Variants in NPHS1 observed in about 807,000 individuals in gnomAD.
NPHS1 encodes the protein nephrin.
Under a neutral mutation model 139.7 loss-of-function variants are expected in NPHS1, and 107 were observed. That is an observed-to-expected ratio of 0.77 (90% CI 0.66 to 0.90). NPHS1 has a LOEUF of 0.90. Among genes scored for constraint, NPHS1 ranks in the 40% least tolerant of loss-of-function variants. The pLI is 0.00. For synonymous variants in NPHS1, 707 were observed against 706.6 expected, an observed-to-expected ratio of 1.00 and a Z score of -0.01; for missense variants, 1,580 against 1,654.2, an observed-to-expected ratio of 0.96 and a Z score of 0.78.
intron 20 of NPHS1, among the ~76,000 whole-genome samples, chr19:35,841,298 A>G (rs772792535): frequency 2.0e-5 from 3 of 152,016 alleles, no homozygotes; most frequent in Non-Finnish European, 4.4e-5. Flanking sequence ...GCTTGAATCC[A>G]GGAGGCAGAG....
intron 23 of NPHS1, among the ~76,000 whole-genome samples, chr19:35,832,388 A>T (rs462218): frequency 0.73 from 110,636 of 151,900 alleles, 40,591 homozygotes; most frequent in East Asian, 0.91. Flanking sequence ...TACAAAAAAA[A>T]TTAAAAATTT....
At chr19:35,829,607 C>T (rs2146805919) in intron 28 of NPHS1, among the ~76,000 whole-genome samples, 1 of 151,762 alleles carries the variant, frequency 6.6e-6, no homozygotes, top group East Asian at 1.9e-4. Flanking sequence ...GGCATGATCT[C>T]GGCTCACTGC....
At chr19:35,848,006 C>A in intron 11 of NPHS1, 35 bp downstream of exon 11, 1 of 1,610,848 alleles carries the variant, frequency 6.2e-7, no homozygotes, top group South Asian at 1.1e-5. Flanking sequence ...CCCCCACATT[C>A]CTGGCCACCC....
At chr19:35,834,268 A>C (rs1972924221) in intron 23 of NPHS1, among the ~76,000 whole-genome samples, 1 of 152,106 alleles carries the variant, frequency 6.6e-6, no homozygotes, top group Non-Finnish European at 1.5e-5. Flanking sequence ...AAGAAGAGAC[A>C]CGCGCCCAGT....
At chr19:35,847,904 G>T in intron 11 of NPHS1, 137 bp downstream of exon 11, 2 of 915,134 alleles carry the variant, frequency 2.2e-6, no homozygotes, top group Non-Finnish European at 3.2e-6. Context: ...CTGATTCCCT[G>T]CCAAACCTCA....
At chr19:35,832,972 C>T (rs1303011356) in intron 23 of NPHS1, among the ~76,000 whole-genome samples, 1 of 151,090 alleles carries the variant, frequency 6.6e-6, no homozygotes, top group African/African-American at 2.4e-5. Flanking sequence ...GCAACCTCCA[C>T]CTGCAGGGTT....
At chr19:35,837,956 A>AAAAC (rs1568451565) in intron 22 of NPHS1, among the ~76,000 whole-genome samples, 1 of 151,460 alleles carries the variant, frequency 6.6e-6, no homozygotes, top group African/African-American at 2.4e-5. Flanking sequence ...AAAAAAAAAA[A>AAAAC]AAAACGAAAA....
chr19:35,842,502 T>G lies in NPHS1; in HGVS notation c.2383A>C (p.Arg795=). ...QSLDDMEKIS[R]GPTGRLRIHH... Reference sequence around the variant, plus strand: ...ATCCGCAGGCGCCCCGTTGGTCCCCTGGATATCTTCTCCATGTCATCCAGG... The same window carrying G: ...ATCCGCAGGCGCCCCGTTGGTCCCCGGGATATCTTCTCCATGTCATCCAGG... The change falls in exon 18 of 29, where the codon AGG becomes CGG. Residue 795 remains arginine, a synonymous_variant. Coordinates refer to ENST00000378910, the MANE Select transcript of NPHS1 (RefSeq NM_004646.4). 6.2e-7 allele frequency: 1 copy of G among 1,614,152 alleles called. No homozygotes were observed. Among genetic ancestry groups the G allele is most frequent in the Non-Finnish European group, 8.5e-7 (1 of 1,180,006 alleles).
chr19:35,830,762 C>A, intron 28 of NPHS1, 82 bp downstream of exon 28: 1 of 874,324 alleles, frequency 1.1e-6, no homozygotes, highest in Non-Finnish European at 2.0e-6. Context: ...CAGCAGCTAG[C>A]TGGCCCTAAC....
chr19:35,842,067 T>C, intron 19 of NPHS1, 57 bp downstream of exon 19: 1 of 1,560,566 alleles, frequency 6.4e-7, no homozygotes, highest in Non-Finnish European at 8.7e-7. Flanking sequence ...GGAGGGGAAG[T>C]GGGGCTGGAG....
At chr19:35,841,980 A>G (rs1973062665) in intron 19 of NPHS1, 114 bp from the exon 20 acceptor site, 1 of 1,414,340 alleles carries the variant, frequency 7.1e-7, no homozygotes, top group Admixed American at 2.0e-5. Flanking sequence ...CCATTCATCC[A>G]TTTATCTTTT....
At position 35,841,150 on chromosome 19, in the gene NPHS1, G is replaced by A. The variant is rs182592437; in HGVS notation, c.2815+565C>T. Among the ~76,000 whole-genome samples the A allele has an allele frequency of 2.1e-3, 322 of 151,946 alleles. 1 individual carries two copies. Among genetic ancestry groups the A allele is most frequent in the African/African-American group, 7.2e-3 (297 of 41,470 alleles). ...TCCCACCACTTTGGGAGGCTGAGGC[G>A]GGCAGATCACCTGAGGTCAGGAGAC... is the stretch of plus-strand genomic sequence containing the variant. On this transcript the variant is annotated intron_variant, in intron 20 of 28. Transcript: ENST00000378910.
chr19:35,835,606 C>A, intron 23 of NPHS1, 99 bp downstream of exon 23: 2 of 1,104,448 alleles, frequency 1.8e-6, no homozygotes, highest in East Asian at 2.4e-5. Context: ...AGAACTAAGT[C>A]GTTAAGCAGC....
rs557443904 is a variant in NPHS1, at chr19:35,847,578, A to C, written c.1440+463T>G. On this transcript the variant is annotated intron_variant, in intron 11 of 28. Transcript: ENST00000378910. ...TCCATGTTGGTCAGGCTGGTCTCTA[A>C]CTCCCGACTTCAGGTGATCCGTCTA... 5.8e-5 allele frequency among the ~76,000 whole-genome samples: 8 copies of C among 136,790 alleles called. No individual in the cohort carries two copies. The South Asian group carries it at 1.8e-3, about 32-fold the overall frequency. The allele number at this position is 136,790 out of a possible 152,430, so 89.7% of individuals were successfully genotyped here. A position where few individuals can be genotyped will look rare whatever the true frequency, so the allele number is the denominator to read the frequency against.
In NPHS1 at chr19:35,831,364, C is replaced by T; in HGVS notation, c.3319G>A (p.Glu1107Lys). 6.2e-7 allele frequency: 1 copy of T among 1,614,114 alleles called. No homozygotes were observed. Among genetic ancestry groups the T allele is most frequent in the Non-Finnish European group, 8.5e-7 (1 of 1,180,016 alleles). ...TCATATTCGTTCCTGACTCGGTCCT[C>T]TTCCGACCTTCCAGGATGAAGGTGT... ...ISEKTEAGSE[E>K]DRVRNEYEES... is the part of the protein sequence containing the mutation. Residue 1107 changes from glutamate (E) to lysine (K), a missense_variant, in exon 26 of 29, where the codon GAG becomes AAG. Transcript: ENST00000378910.
chr19:35,838,485 G>A (rs71354106), intron 22 of NPHS1, among the ~76,000 whole-genome samples: 6,646 of 152,188 alleles, frequency 0.044, 196 homozygotes, highest in Non-Finnish European at 0.063. Context: ...CCCGGGAGGC[G>A]GAGGTTGTAG....
chr19:35,830,894 T>C lies in NPHS1; in HGVS notation c.3544A>G (p.Thr1182Ala), dbSNP rs537783084. 111 of 1,614,022 alleles carry C rather than the reference T, an allele frequency of 6.9e-5. No homozygotes were observed. The South Asian group carries it at 1.1e-3, about 16-fold the overall frequency. Residue 1182 changes from threonine to alanine, a missense_variant, in exon 28 of 29, where the codon ACG becomes GCG. Thr to Ala is a moderately conservative substitution (Grantham distance 58, BLOSUM62 0). Coordinates refer to ENST00000378910, the MANE Select transcript of NPHS1 (RefSeq NM_004646.4). ...CCCCAGGCTCCAGACGGGGGGTACG[T>C]TCTTTCTACCTCATCATACAAGTGC... ...PGHLYDEVER[T>A]YPPSGAWGPL...
intron 11 of NPHS1, among the ~76,000 whole-genome samples, chr19:35,847,344 CTTTTTTT>C (rs34920536): frequency 3.3e-5 from 2 of 59,882 alleles, no homozygotes; most frequent in Non-Finnish European, 6.0e-5. Flanking sequence ...TGTGCCCAGC[CTTTTTTT>C]TTTTTTTTTT....
intron 8 of NPHS1, 51 bp downstream of exon 8, chr19:35,848,925 T>C (rs1354930355): frequency 6.2e-7 from 1 of 1,611,110 alleles, no homozygotes; most frequent in African/African-American, 1.3e-5. Flanking sequence ...CACACACAGA[T>C]GGTTCTCTGA....
Sources: allele counts gnomAD v4.1 joint callset (sites outside exome capture counted in the v4.1 genomes callset), GRCh38; gene constraint gnomAD v4.1.1; transcripts MANE v1.5; gene names NCBI Gene and HGNC (gene_info 2026-07-23, HGNC 2026-07-21).